ANTXR1: variants seen among roughly 807,000 people sequenced by gnomAD.
ANTXR1 encodes ANTXR cell adhesion molecule 1, also known as anthrax toxin receptor 1.
In ANTXR1, 19 loss-of-function variants were observed where a neutral mutation model predicts 78.1. That is an observed-to-expected ratio of 0.24 (90% CI 0.17 to 0.36). The LOEUF is 0.36. Ranked by LOEUF, ANTXR1 falls within the 10% of genes least tolerant of loss-of-function variation. ANTXR1 has a pLI of 1.00. For synonymous variants in ANTXR1, 273 were observed against 260.5 expected (o/e 1.05, Z -0.46); for missense variants, 518 against 718.6 (o/e 0.72, Z 3.19).
chr2:69,026,581 T>A (rs1448201250), intron 1 of ANTXR1, among the ~76,000 whole-genome samples: 1 of 152,196 alleles, frequency 6.6e-6, no homozygotes, highest in African/African-American at 2.4e-5. Context: ...AGTTTGCTGA[T>A]CAATATGTGC....
chr2:69,100,411 CT>C (rs1671570682), intron 9 of ANTXR1, among the ~76,000 whole-genome samples: 1 of 152,196 alleles, frequency 6.6e-6, no homozygotes. Context: ...CCGTCTCCCC[CT>C]GGCCTAGGGG....
At chr2:69,205,945 C>G (rs751508794) in intron 17 of ANTXR1, among the ~76,000 whole-genome samples, 4 of 152,172 alleles carry the variant, frequency 2.6e-5, no homozygotes, top group Non-Finnish European at 5.9e-5. Flanking sequence ...TTTTAAAAAA[C>G]TCTCCAAGGC....
intron 17 of ANTXR1, among the ~76,000 whole-genome samples, chr2:69,209,653 C>T (rs530310457): frequency 6.6e-6 from 1 of 152,300 alleles, no homozygotes; most frequent in East Asian, 1.9e-4. Flanking sequence ...AAGATGAGAT[C>T]TGAATAACAA....
intron 17 of ANTXR1, among the ~76,000 whole-genome samples, chr2:69,194,489 C>T (rs1370030047): frequency 6.6e-6 from 1 of 152,228 alleles, no homozygotes; most frequent in African/African-American, 2.4e-5. Context: ...ATGGCACGGA[C>T]TTCTTCCTAC....
At chr2:69,140,615 A>T (rs1019180570) in intron 12 of ANTXR1, among the ~76,000 whole-genome samples, 1 of 152,214 alleles carries the variant, frequency 6.6e-6, no homozygotes, top group Non-Finnish European at 1.5e-5. Context: ...AAGAGATTAT[A>T]AGATTTTCTT....
chr2:69,132,201 G>A (rs1347449672), intron 12 of ANTXR1, among the ~76,000 whole-genome samples: 1 of 152,220 alleles, frequency 6.6e-6, no homozygotes, highest in Non-Finnish European at 1.5e-5. Flanking sequence ...CAGCTAATCT[G>A]GATGCTGCCA....
At chr2:69,154,297 G>A (rs1673470943) in intron 13 of ANTXR1, among the ~76,000 whole-genome samples, 1 of 152,040 alleles carries the variant, frequency 6.6e-6, no homozygotes, top group South Asian at 2.1e-4. Flanking sequence ...TTGATCTTCG[G>A]GATTCATTTT....
intron 16 of ANTXR1, among the ~76,000 whole-genome samples, chr2:69,191,048 C>CAT (rs1345241415): frequency 2.6e-5 from 4 of 152,192 alleles, no homozygotes; most frequent in African/African-American, 9.7e-5. Flanking sequence ...CACCTGGTTA[C>CAT]ATCCTGAAAT....
intron 12 of ANTXR1, among the ~76,000 whole-genome samples, chr2:69,143,557 G>A (rs144452421): frequency 6.6e-6 from 1 of 152,204 alleles, no homozygotes; most frequent in Non-Finnish European, 1.5e-5. Context: ...TAGAGATGAA[G>A]ACTTAACTCA....
At chr2:69,106,568 A>T (rs4555379) in intron 10 of ANTXR1, among the ~76,000 whole-genome samples, 1 of 152,052 alleles carries the variant, frequency 6.6e-6, no homozygotes, top group East Asian at 1.9e-4. Context: ...CTCCAGCAGG[A>T]TACACCAATC....
intron 17 of ANTXR1, among the ~76,000 whole-genome samples, chr2:69,217,840 G>A (rs4359697): frequency 0.019 from 2,841 of 152,172 alleles, 101 homozygotes; most frequent in African/African-American, 0.065. Context: ...TGTAGAGCTC[G>A]AATTTCATGG....
At chr2:69,037,862 A>T (rs1669489597) in intron 1 of ANTXR1, among the ~76,000 whole-genome samples, 1 of 152,130 alleles carries the variant, frequency 6.6e-6, no homozygotes, top group Admixed American at 6.5e-5. Context: ...AGCAGAATAG[A>T]CAAAGGGGTG....
chr2:69,188,826 G>A (rs1187402921), intron 16 of ANTXR1, among the ~76,000 whole-genome samples: 2 of 152,194 alleles, frequency 1.3e-5, no homozygotes, highest in Non-Finnish European at 2.9e-5. Flanking sequence ...GACTTTAGGT[G>A]AAGCCCAGAG....
At chr2:69,172,387 A>G (rs1024571247) in intron 14 of ANTXR1, 6 of 1,611,616 alleles carry the variant, frequency 3.7e-6, no homozygotes, top group Non-Finnish European at 4.2e-6. Context: ...TAAAATAACA[A>G]GAAGAAGAAA....
At chr2:69,074,343 C>T (rs1023948887) in intron 6 of ANTXR1, among the ~76,000 whole-genome samples, 1 of 152,072 alleles carries the variant, frequency 6.6e-6, no homozygotes, top group Non-Finnish European at 1.5e-5. Flanking sequence ...TGCCAAATAA[C>T]AGTCAAATAA....
At chr2:69,193,091 C>T in intron 16 of ANTXR1, among the ~76,000 whole-genome samples, 1 of 152,232 alleles carries the variant, frequency 6.6e-6, no homozygotes, top group East Asian at 1.9e-4. Flanking sequence ...ACTTGGGGGG[C>T]ACTCAAACCT....
chr2:69,193,541 T>C, intron 17 of ANTXR1, 126 bp downstream of exon 17: 2 of 854,350 alleles, frequency 2.3e-6, no homozygotes, highest in South Asian at 2.8e-5. Flanking sequence ...CTTTGGATTC[T>C]AAAACAGAGC....
chr2:69,248,058 T>C lies in ANTXR1; in HGVS notation c.*2573T>C, dbSNP rs956123426. ...TATGAACAAGGTGATATCTTCATAG[T>C]GGGCTATTACAGGCAGGAAAATGTT... On this transcript the variant is annotated 3_prime_UTR_variant, in exon 18 of 18. Transcript: ENST00000303714. 3 of 166,318 alleles carry C rather than the reference T, an allele frequency of 1.8e-5. No homozygotes were observed. The highest frequency in any genetic ancestry group is 2.9e-5 in the Non-Finnish European group (2 of 68,126). The allele number at this position is 166,318 out of a possible 1,614,324, so 10.3% of individuals were successfully genotyped here.
chr2:69,229,217 A>T (rs1675531684), intron 17 of ANTXR1, among the ~76,000 whole-genome samples: 1 of 152,204 alleles, frequency 6.6e-6, no homozygotes, highest in African/African-American at 2.4e-5. Context: ...TAACAGTGCC[A>T]CTCACTGGCA....
Sources: gnomAD v4.1 joint callset for allele counts (sites outside exome capture counted in the v4.1 genomes callset) on GRCh38, gnomAD v4.1.1 for gene constraint, MANE v1.5 for transcripts, NCBI Gene and HGNC (gene_info 2026-07-23, HGNC 2026-07-21) for gene names.